CLNK: variants seen among roughly 807,000 people sequenced by gnomAD.
The protein encoded by CLNK is cytokine-dependent hematopoietic cell linker.
Under a neutral mutation model 68.6 loss-of-function variants are expected in CLNK, and 74 were observed. The observed-to-expected ratio is 1.08, with a 90% CI of 0.89 to 1.31. The LOEUF (loss-of-function observed/expected upper bound fraction) is 1.31. Among genes scored for constraint, CLNK ranks in the 50% most tolerant of loss-of-function variants. The pLI, the probability that CLNK is intolerant of heterozygous loss-of-function variation, is 0.00. For synonymous variants in CLNK, 198 were observed against 172.2 expected (o/e 1.15, Z -1.17); for missense variants, 553 against 515.3 (o/e 1.07, Z -0.71).
chr4:10,610,217 C>G (rs369202616), intron 2 of CLNK, among the ~76,000 whole-genome samples: 2 of 150,542 alleles, frequency 1.3e-5, no homozygotes, highest in African/African-American at 4.9e-5. Context: ...CCACTGCGCC[C>G]GGCTAATTTT....
chr4:10,586,461 C>T (rs760138849), intron 3 of CLNK, among the ~76,000 whole-genome samples: 20 of 150,560 alleles, frequency 1.3e-4, no homozygotes, highest in African/African-American at 3.4e-4. Context: ...ATTACAGGCA[C>T]GTGCCACCAC....
At chr4:10,614,556 G>C (rs1260348652) in intron 2 of CLNK, among the ~76,000 whole-genome samples, 1 of 152,192 alleles carries the variant, frequency 6.6e-6, no homozygotes, top group Admixed American at 6.5e-5. Flanking sequence ...TCAAAGTGTG[G>C]TTCCCAGACC....
intron 2 of CLNK, among the ~76,000 whole-genome samples, chr4:10,659,762 T>G (rs1724122425): frequency 6.6e-6 from 1 of 152,242 alleles, no homozygotes; most frequent in South Asian, 2.1e-4. Context: ...TCTGAAATTT[T>G]ACACATCTAG....
chr4:10,610,107 A>AGTGCTGT (rs1483490260), intron 2 of CLNK, among the ~76,000 whole-genome samples: 14 of 117,362 alleles, frequency 1.2e-4, no homozygotes, highest in Non-Finnish European at 2.1e-4. Flanking sequence ...CCCAGGCGGG[A>AGTGCTGT]GTGCTGTGGC....
the CLNK span, among the ~76,000 whole-genome samples, chr4:10,699,659 C>A: frequency 6.6e-6 from 1 of 150,952 alleles, no homozygotes; most frequent in Non-Finnish European, 1.5e-5. Context: ...ATTACAGCTG[C>A]CTGCCACCAC....
At chr4:10,692,399 T>C in the CLNK span, among the ~76,000 whole-genome samples, 104 of 152,234 alleles carry the variant, frequency 6.8e-4, no homozygotes, top group African/African-American at 2.4e-3. Flanking sequence ...CAGGCAGCAG[T>C]TGGTGATCCC....
intron 17 of CLNK, among the ~76,000 whole-genome samples, 172 bp downstream of exon 17, chr4:10,507,787 C>T (rs1717373605): frequency 6.6e-6 from 1 of 152,138 alleles, no homozygotes; most frequent in Non-Finnish European, 1.5e-5. Flanking sequence ...CGGCCTGAAA[C>T]TCTCCATGTT....
the CLNK span, among the ~76,000 whole-genome samples, chr4:10,696,830 C>T: frequency 6.6e-6 from 1 of 152,138 alleles, no homozygotes; most frequent in African/African-American, 2.4e-5. Context: ...AAGGCAAGCT[C>T]CCTCTAAGAT....
Position 10,679,919 on chromosome 4 carries a change from G to A in CLNK, c.-43+4749C>T, listed in dbSNP as rs529946015. On this transcript the variant is annotated intron_variant, in intron 1 of 18. Transcript: ENST00000226951. ...TAGGAACACTTTTACACTGTTGGTG[G>A]GACTGTAAACTAGTTCAACTATTGT... Among the ~76,000 whole-genome samples the A allele has an allele frequency of 1.8e-4, 28 of 152,202 alleles. No homozygotes were observed. In the South Asian group the frequency reaches 5.6e-3, roughly 30 times the overall value.
At chr4:10,728,815 G>T in the CLNK span, among the ~76,000 whole-genome samples, 1 of 151,714 alleles carries the variant, frequency 6.6e-6, no homozygotes, top group South Asian at 2.1e-4. Context: ...TAGCCAGGAT[G>T]GTCTTGATCT....
intron 2 of CLNK, among the ~76,000 whole-genome samples, chr4:10,614,594 C>T (rs1449964322): frequency 6.6e-6 from 1 of 152,172 alleles, no homozygotes; most frequent in Admixed American, 6.5e-5. Context: ...GCTGGTTAGG[C>T]AGGCAGAATC....
intron 18 of CLNK, among the ~76,000 whole-genome samples, chr4:10,493,672 T>C (rs1334355972): frequency 2.0e-5 from 3 of 151,640 alleles, no homozygotes; most frequent in Non-Finnish European, 4.4e-5. Flanking sequence ...ATACAATAAA[T>C]ATGAGTTTCT....
At chr4:10,695,565 C>G in the CLNK span, among the ~76,000 whole-genome samples, 1 of 152,222 alleles carries the variant, frequency 6.6e-6, no homozygotes, top group Non-Finnish European at 1.5e-5. Flanking sequence ...TAACCCTGTC[C>G]TGGCCCGTCA....
the CLNK span, chr4:10,692,151 C>T: frequency 6.6e-6 from 1 of 152,136 alleles, no homozygotes; most frequent in South Asian, 2.1e-4. Flanking sequence ...GTAACTGACG[C>T]TTTTTCCAAC....
chr4:10,713,917 C>T, the CLNK span, among the ~76,000 whole-genome samples: 2 of 152,194 alleles, frequency 1.3e-5, no homozygotes, highest in Admixed American at 1.3e-4. Flanking sequence ...GCAAAATAGA[C>T]TAATGCAATC....
At chr4:10,632,795 T>G (rs1378384134) in intron 2 of CLNK, among the ~76,000 whole-genome samples, 1 of 152,268 alleles carries the variant, frequency 6.6e-6, no homozygotes, top group Non-Finnish European at 1.5e-5. Context: ...TTGCACAATT[T>G]TCAATGCTCT....
intron 2 of CLNK, among the ~76,000 whole-genome samples, chr4:10,659,010 C>T (rs1484636223): frequency 6.6e-6 from 1 of 152,056 alleles, no homozygotes; most frequent in African/African-American, 2.4e-5. Context: ...TGAGACCAAC[C>T]CAGCCAACAT....
At chr4:10,576,457 G>T (rs907849729) in intron 4 of CLNK, among the ~76,000 whole-genome samples, 1 of 152,140 alleles carries the variant, frequency 6.6e-6, no homozygotes, top group African/African-American at 2.4e-5. Flanking sequence ...ACATCTTTTT[G>T]CAAGAAACAA....
At chr4:10,535,900 G>A (rs1241561530) in intron 11 of CLNK, among the ~76,000 whole-genome samples, 2 of 152,120 alleles carry the variant, frequency 1.3e-5, no homozygotes, top group African/African-American at 2.4e-5. Flanking sequence ...TCATAATAAT[G>A]GTACATAAGT....
Sources: gnomAD v4.1 joint callset for allele counts (sites outside exome capture counted in the v4.1 genomes callset) on GRCh38, gnomAD v4.1.1 for gene constraint, MANE v1.5 for transcripts, NCBI Gene and HGNC (gene_info 2026-07-23, HGNC 2026-07-21) for gene names.